AKR1C3: variants seen among roughly 807,000 people sequenced by gnomAD.
The protein encoded by AKR1C3 is 3-alpha hydroxysteroid dehydrogenase, type II.
AKR1C3 carries 48 observed loss-of-function variants against 43.6 expected under a neutral mutation model. That is an observed-to-expected ratio of 1.10 (90% CI 0.87 to 1.40). The LOEUF is 1.40. Ranked by LOEUF, AKR1C3 falls within the 40% of genes most tolerant of loss-of-function variation. The probability of loss-of-function intolerance (pLI) is 0.00; values close to 1 mark genes in which losing one functional copy is unlikely to be tolerated. For synonymous variants in AKR1C3, 162 were observed against 139.6 expected (o/e 1.16, Z -1.13); for missense variants, 482 against 391.2 (o/e 1.23, Z -1.96).
In AKR1C3 at chr10:5,102,489, G is replaced by T; in HGVS notation, c.685G>T (p.Asp229Tyr). ...LGSQRDKRWV[D>Y]PNSPVLLEDP... ...CCTTTCTGCCTTTCCTTCCAGGGTGGACCCGAACTCCCCGGTGCTCTTGGA... is the reference window on the plus strand; with the variant it reads ...CCTTTCTGCCTTTCCTTCCAGGGTGTACCCGAACTCCCCGGTGCTCTTGGA... Residue 229 changes from aspartate (D) to tyrosine (Y), a missense_variant, in exon 7 of 9, where the codon GAC becomes TAC. Coordinates refer to ENST00000380554, the MANE Select transcript of AKR1C3 (RefSeq NM_003739.6). 1.3e-6 allele frequency: 2 copies of T among 1,546,774 alleles called. No homozygotes were observed. The highest frequency in any genetic ancestry group is 1.7e-6 in the Non-Finnish European group (2 of 1,150,314).
chr10:5,107,437 T>C (rs781887189), intron 8 of AKR1C3, 24 bp from the exon 9 acceptor site: 3 of 1,484,758 alleles, frequency 2.0e-6, no homozygotes, highest in Non-Finnish European at 2.8e-6. Context: ...ATTGCATTTA[T>C]ATTATACATT....
Position 5,105,378 on chromosome 10 carries a change from C to T in AKR1C3, c.847-217C>T, listed in dbSNP as rs142062752. On this transcript the variant is annotated intron_variant, in intron 7 of 8. Coordinates refer to ENST00000380554, the MANE Select transcript of AKR1C3 (RefSeq NM_003739.6). The stretch of plus-strand genomic sequence containing the variant: ...TCTGTTGAAATTTTCTCTTTGTCTG[C>T]AGAGTTGCACAGTTTCAATACATAA... 1,232 of 371,386 alleles carry T rather than the reference C, an allele frequency of 3.3e-3. 42 individuals are homozygous for T. The Admixed American group carries it at 0.042, about 13-fold the overall frequency. 23.0% of individuals were successfully genotyped at this position (371,386 alleles called of 1,614,324 possible). A position where few individuals can be genotyped will look rare whatever the true frequency, so the allele number is the denominator to read the frequency against.
At chr10:5,097,310 A>G (rs1319288274) in intron 2 of AKR1C3, 124 bp from the exon 3 acceptor site, 2 of 1,147,750 alleles carry the variant, frequency 1.7e-6, no homozygotes, top group Non-Finnish European at 2.5e-6. Flanking sequence ...AAGGAAGAGA[A>G]TATGTTTGCC....
At chr10:5,069,568 G>T (rs150598126) in intron 1 of AKR1C3, among the ~76,000 whole-genome samples, 1 of 151,976 alleles carries the variant, frequency 6.6e-6, no homozygotes, top group African/African-American at 2.4e-5. Flanking sequence ...AAACTTAAGC[G>T]AAACCCTAAA....
At chr10:5,099,531 C>T (rs1839297444) in intron 5 of AKR1C3, 82 bp downstream of exon 5, 5 of 1,592,294 alleles carry the variant, frequency 3.1e-6, no homozygotes, top group Non-Finnish European at 4.3e-6. Context: ...TTTGTTTTGT[C>T]CCAGTTATCT....
upstream of AKR1C3, among the ~76,000 whole-genome samples, chr10:5,090,580 G>GT (rs1839068538): frequency 6.6e-6 from 1 of 152,122 alleles, no homozygotes; most frequent in African/African-American, 2.4e-5. Flanking sequence ...GTAGTGTGAG[G>GT]TGGTAATGCT....
Position 5,088,736 on chromosome 10 carries a change from G to A in AKR1C3, c.85-7674G>A, listed in dbSNP as rs186871467. On this transcript the variant is annotated intron_variant, in intron 1 of 8. Coordinates refer to the AKR1C3 transcript ENST00000439082. ...AGATCTCCTGTAGATAAAAGCTGTT[G>A]GGTCTTGTCCTTTTATCAAATTTTC... 8.3e-3 allele frequency among the ~76,000 whole-genome samples: 1,251 copies of A among 151,280 alleles called. 10 individuals are homozygous for A. Among genetic ancestry groups the A allele is most frequent in the Non-Finnish European group, 0.013 (848 of 67,782 alleles).
In AKR1C3 at chr10:5,059,285, C is replaced by T. The variant is rs536961648; in HGVS notation, c.84+10390C>T. Among the ~76,000 whole-genome samples the T allele has an allele frequency of 1.6e-3, 250 of 152,266 alleles. 2 individuals are homozygous for T. Among genetic ancestry groups the T allele is most frequent in the Non-Finnish European group, 1.7e-3 (113 of 68,012 alleles). On this transcript the variant is annotated intron_variant, in intron 1 of 8. Coordinates refer to the AKR1C3 transcript ENST00000439082. ...AAAAACACCAGAGACAGGTAGCAGT[C>T]TTTAGAAGCAAGACTAACCTTGGAG...
intron 1 of AKR1C3, among the ~76,000 whole-genome samples, chr10:5,050,394 A>G (rs1276570076): frequency 6.6e-6 from 1 of 152,224 alleles, no homozygotes; most frequent in Non-Finnish European, 1.5e-5. Flanking sequence ...GGAATAATCT[A>G]TAGCCAACAA....
chr10:5,086,098 T>C (rs1554783050), intron 1 of AKR1C3, among the ~76,000 whole-genome samples: 1 of 151,898 alleles, frequency 6.6e-6, no homozygotes, highest in African/African-American at 2.4e-5. Flanking sequence ...TGATCTTAGT[T>C]ATTTCTTGCC....
chr10:5,096,154 C>G (rs1470580660), intron 1 of AKR1C3: 4 of 349,206 alleles, frequency 1.1e-5, no homozygotes, highest in South Asian at 6.8e-5. Context: ...ACTTTTCCAA[C>G]AAATCACTGA....
At chr10:5,085,378 T>G (rs1554782962) in intron 1 of AKR1C3, among the ~76,000 whole-genome samples, 2 of 152,046 alleles carry the variant, frequency 1.3e-5, no homozygotes, top group Non-Finnish European at 2.9e-5. Flanking sequence ...TGGATTACAT[T>G]TATTGATTTG....
At chr10:5,101,845 T>G (rs4881400) in intron 5 of AKR1C3, among the ~76,000 whole-genome samples, 38,990 of 152,092 alleles carry the variant, frequency 0.26, 5,745 homozygotes, top group East Asian at 0.66. Context: ...TTACATCTCC[T>G]TCTAGTTGTC....
At chr10:5,072,885 T>C (rs1325200088) in intron 1 of AKR1C3, among the ~76,000 whole-genome samples, 2 of 152,248 alleles carry the variant, frequency 1.3e-5, no homozygotes, top group Non-Finnish European at 2.9e-5. Context: ...GTGAGATTTC[T>C]TTCTGTCTTT....
In AKR1C3 at chr10:5,106,973, TCA is replaced by T. The variant is rs1839518885; in HGVS notation, c.930-487_930-486del. Among the ~76,000 whole-genome samples the T allele has an allele frequency of 2.0e-5, 3 of 152,166 alleles. No homozygotes were observed. The South Asian group carries it at 6.2e-4, about 32-fold the overall frequency. On this transcript the variant is annotated intron_variant, in intron 8 of 8. Coordinates refer to ENST00000380554, the MANE Select transcript of AKR1C3 (RefSeq NM_003739.6). Reference sequence around the variant, plus strand: ...GAGTAGCGAGCATGAGTAATTCTTATCATCCATTAAAAATGTAATAAGTTGGT... The same window carrying T: ...GAGTAGCGAGCATGAGTAATTCTTATTCCATTAAAAATGTAATAAGTTGGT...
chr10:5,083,520 T>A (rs1175020841), intron 1 of AKR1C3, among the ~76,000 whole-genome samples: 4 of 152,182 alleles, frequency 2.6e-5, no homozygotes, highest in African/African-American at 9.7e-5. Flanking sequence ...CTATTGTGAA[T>A]AGTGCCGCTA....
intron 1 of AKR1C3, among the ~76,000 whole-genome samples, chr10:5,054,507 G>A (rs1205567959): frequency 1.3e-5 from 2 of 152,210 alleles, no homozygotes; most frequent in Non-Finnish European, 2.9e-5. Flanking sequence ...TGGGGAGGCA[G>A]ATATAGGTCA....
chr10:5,058,912 C>T (rs4881388), intron 1 of AKR1C3, among the ~76,000 whole-genome samples: 47,440 of 151,854 alleles, frequency 0.31, 7,560 homozygotes, highest in East Asian at 0.39. Context: ...AAGCATTCAC[C>T]GGTTAGTATT....
chr10:5,055,154 T>G (rs1728640124), intron 1 of AKR1C3, among the ~76,000 whole-genome samples: 1 of 152,258 alleles, frequency 6.6e-6, no homozygotes, highest in Non-Finnish European at 1.5e-5. Flanking sequence ...TACTTTCAAA[T>G]ATGGTTACAT....
Sources: gnomAD v4.1 joint callset for allele counts (sites outside exome capture counted in the v4.1 genomes callset) on GRCh38, gnomAD v4.1.1 for gene constraint, MANE v1.5 for transcripts, NCBI Gene and HGNC (gene_info 2026-07-23, HGNC 2026-07-21) for gene names.